The following SET variants were observed in gnomAD, a reference collection of about 807,000 sequenced individuals.
SET encodes protein SET.
SET carries 4 observed loss-of-function variants against 39.0 expected under a neutral mutation model. The observed-to-expected ratio is 0.10, with a 90% CI of 0.05 to 0.23. The LOEUF (loss-of-function observed/expected upper bound fraction) is 0.23, where lower values mean the gene tolerates loss of function less well. Ranked by LOEUF, SET falls within the 10% of genes least tolerant of loss-of-function variation. The probability of loss-of-function intolerance (pLI) is 1.00; values close to 1 mark genes in which losing one functional copy is unlikely to be tolerated. For missense variants in SET, 137 were observed against 329.7 expected, an observed-to-expected ratio of 0.42 and a Z score of 4.53; for synonymous variants, 114 against 115.9, an observed-to-expected ratio of 0.98 and a Z score of 0.11.
In SET at chr9:128,689,558, C is replaced by A. The variant is rs780176987; in HGVS notation, c.-25C>A. On this transcript the variant is annotated 5_prime_UTR_variant, in exon 1 of 8. Transcript: ENST00000322030. ...CTTCCCTTCTCTCCCCCTCCCCGCT[C>A]CCCCCCCGACCGCGGAGCAGCACCA... 6.0e-6 allele frequency: 7 copies of A among 1,174,126 alleles called. No homozygotes were observed. Among genetic ancestry groups the A allele is most frequent in the Non-Finnish European group, 7.8e-6 (7 of 893,764 alleles). 72.7% of individuals were successfully genotyped at this position (1,174,126 alleles called of 1,614,324 possible).
intron 1 of SET, among the ~76,000 whole-genome samples, chr9:128,690,899 C>T (rs1047800327): frequency 6.6e-6 from 1 of 152,136 alleles, no homozygotes; most frequent in South Asian, 2.1e-4. Flanking sequence ...TAGTAGAAAC[C>T]TTAATGATCG....
At chr9:128,688,997 C>A (rs2132241651), upstream of SET, among the ~76,000 whole-genome samples, 1 of 151,578 alleles carries the variant, frequency 6.6e-6, no homozygotes, top group South Asian at 2.1e-4. Context: ...GCGCCAGTGT[C>A]CTGGGTCGGG....
upstream of SET, among the ~76,000 whole-genome samples, chr9:128,686,642 C>T (rs1472947172): frequency 6.6e-6 from 1 of 152,062 alleles, no homozygotes; most frequent in African/African-American, 2.4e-5. Flanking sequence ...TGTGCTAGGT[C>T]ATGATGTCAA....
chr9:128,686,297 C>A (rs931032801), upstream of SET, among the ~76,000 whole-genome samples: 4 of 151,868 alleles, frequency 2.6e-5, no homozygotes, highest in African/African-American at 4.8e-5. Flanking sequence ...TGGGGAAGGG[C>A]AGGAAAAGAG....
At position 128,694,239 on chromosome 9, in the gene SET, G is replaced by T. The variant is rs199914924; in HGVS notation, c.810+197G>T. ...CTAATGTTTAACTAGGTTTTTTTTG[G>T]TTTTTTTTTGGGTTTTTTTGGTTAG... On this transcript the variant is annotated intron_variant, in intron 7 of 7. Transcript: ENST00000322030. Among the ~76,000 whole-genome samples the T allele has an allele frequency of 8.4e-3, 1,235 of 147,030 alleles. 21 individuals are homozygous for T. The highest frequency in any genetic ancestry group is 0.056 in the East Asian group (282 of 5,046).
intron 5 of SET, 123 bp downstream of exon 5, chr9:128,693,104 G>C: frequency 1.5e-6 from 1 of 673,492 alleles, no homozygotes; most frequent in African/African-American, 1.8e-5. Flanking sequence ...AATATAAAAC[G>C]TTCCAGTGTG....
intron 3 of SET, 46 bp downstream of exon 3, chr9:128,692,046 A>G (rs372772848): frequency 7.5e-6 from 12 of 1,597,308 alleles, no homozygotes; most frequent in Non-Finnish European, 1.0e-5. Context: ...AGTGTTTGTT[A>G]GAATGGAGGA....
At chr9:128,691,633 TGTTGA>T (rs1257967066) in intron 2 of SET, among the ~76,000 whole-genome samples, 1 of 152,164 alleles carries the variant, frequency 6.6e-6, no homozygotes, top group Non-Finnish European at 1.5e-5. Flanking sequence ...GTTACCAGAG[TGTTGA>T]GTTTGGGCAC....
chr9:128,690,129 C>G (rs1215943684), intron 1 of SET: 1 of 232,192 alleles, frequency 4.3e-6, no homozygotes, highest in Non-Finnish European at 7.0e-6. Context: ...CTGGCCCCGG[C>G]GGGGCTTCTG....
chr9:128,685,807 AG>A (rs1861263614), upstream of SET, among the ~76,000 whole-genome samples: 1 of 152,138 alleles, frequency 6.6e-6, no homozygotes, highest in African/African-American at 2.4e-5. Context: ...CGAGGTGGGC[AG>A]ATCACCTGAG....
At chr9:128,689,006 G>C (rs1238957447), upstream of SET, among the ~76,000 whole-genome samples, 3 of 151,300 alleles carry the variant, frequency 2.0e-5, no homozygotes, top group Non-Finnish European at 4.4e-5. Context: ...TCCTGGGTCG[G>C]GCCGGAGAGG....
chr9:128,692,858 T>C lies in SET; in HGVS notation c.379-10T>C, dbSNP rs1178066667. On this transcript the variant is annotated splice_polypyrimidine_tract_variant and intron_variant, in intron 4 of 7. Transcript: ENST00000322030. The stretch of plus-strand genomic sequence containing the variant: ...GTTCATATTTCTAATCTTTCAATTA[T>C]TTATTACAGTATTTTGATGAAAATC... 1.3e-6 allele frequency: 2 copies of C among 1,536,844 alleles called. No homozygotes were observed. The highest frequency in any genetic ancestry group is 1.4e-5 in the African/African-American group (1 of 72,920).
upstream of SET, among the ~76,000 whole-genome samples, chr9:128,686,527 C>T (rs1275160250): frequency 1.3e-5 from 2 of 152,178 alleles, no homozygotes; most frequent in African/African-American, 4.8e-5. Context: ...CAGACAGACT[C>T]AGCCCAGGAG....
intron 7 of SET, 108 bp from the exon 8 acceptor site, chr9:128,694,533 T>C (rs1236009513): frequency 1.5e-5 from 10 of 660,966 alleles, no homozygotes; most frequent in Non-Finnish European, 2.6e-5. Context: ...GACTTACAGG[T>C]TTAGAAACTG....
intron 1 of SET, chr9:128,684,062 T>A: frequency 1.4e-6 from 2 of 1,393,482 alleles, no homozygotes; most frequent in Non-Finnish European, 9.9e-7. Context: ...AAGGATTGAC[T>A]CTCTGATTTT....
chr9:128,687,462 G>C (rs766157558), upstream of SET, among the ~76,000 whole-genome samples: 7 of 152,020 alleles, frequency 4.6e-5, no homozygotes, highest in Non-Finnish European at 1.0e-4. Context: ...ACAAAAATTA[G>C]CAGGGCGTGG....
chr9:128,689,537 C>T lies in SET; in HGVS notation c.-46C>T, dbSNP rs901601149. 8 of 1,047,038 alleles carry T rather than the reference C, an allele frequency of 7.6e-6. No homozygotes were observed. The highest frequency in any genetic ancestry group is 6.8e-5 in the Admixed American group (2 of 29,370). 64.9% of individuals were successfully genotyped at this position (1,047,038 alleles called of 1,614,324 possible). Reference sequence around the variant, plus strand: ...CCGCTTGCCCGCCCCCTTCGCCTTCCCTTCTCTCCCCCTCCCCGCTCCCCC... The same window carrying T: ...CCGCTTGCCCGCCCCCTTCGCCTTCTCTTCTCTCCCCCTCCCCGCTCCCCC... On this transcript the variant is annotated 5_prime_UTR_variant, in exon 1 of 8. Transcript: ENST00000322030.
rs766762671 is a variant in SET, at chr9:128,693,877, G to T, written c.664-19G>T. The T allele has an allele frequency of 5.8e-5, 93 of 1,597,842 alleles. No individual in the cohort carries two copies. Among genetic ancestry groups the T allele is most frequent in the Non-Finnish European group, 7.7e-5 (91 of 1,174,284 alleles). ...TTGTTTAAAAATGAGTCCTTATATT[G>T]TGCTTTTTTTTTTTTAAGGTTCCCG... On this transcript the variant is annotated intron_variant, in intron 6 of 7. Coordinates refer to ENST00000322030, the MANE Select transcript of SET (RefSeq NM_003011.4).
chr9:128,694,794 C>G lies in SET; in HGVS notation c.*130C>G. ...CTCAGTCGCCCTGTTCTTGAGGTCT[C>G]TTTTCTCTACTCCATGGTTCTCAAT... On this transcript the variant is annotated 3_prime_UTR_variant, in exon 8 of 8. Transcript: ENST00000322030. 2.1e-6 allele frequency: 1 copy of G among 482,602 alleles called. No individual in the cohort carries two copies. Among genetic ancestry groups the G allele is most frequent in the Non-Finnish European group, 3.4e-6 (1 of 290,080 alleles). 29.9% of individuals were successfully genotyped at this position (482,602 alleles called of 1,614,324 possible).
Sources: gnomAD v4.1 joint callset for allele counts (sites outside exome capture counted in the v4.1 genomes callset) on GRCh38, gnomAD v4.1.1 for gene constraint, MANE v1.5 for transcripts, NCBI Gene and HGNC (gene_info 2026-07-23, HGNC 2026-07-21) for gene names.